OPCML: variants seen among roughly 807,000 people sequenced by gnomAD.
The protein encoded by OPCML is opioid-binding protein/cell adhesion molecule.
Under a neutral mutation model 37.8 loss-of-function variants are expected in OPCML, and 13 were observed. That is an observed-to-expected ratio of 0.34 (90% confidence interval 0.22 to 0.55). The LOEUF is 0.55. Among genes scored for constraint, OPCML ranks in the 20% least tolerant of loss-of-function variants. The probability of loss-of-function intolerance (pLI) is 0.91; values close to 1 mark genes in which losing one functional copy is unlikely to be tolerated. For missense variants in OPCML, 341 were observed against 435.6 expected, an observed-to-expected ratio of 0.78 and a Z score of 1.93; for synonymous variants, 176 against 168.8, an observed-to-expected ratio of 1.04 and a Z score of -0.33.
At chr11:133,427,855 C>T (rs1171777976) in intron 1 of OPCML, among the ~76,000 whole-genome samples, 1 of 152,118 alleles carries the variant, frequency 6.6e-6, no homozygotes. Flanking sequence ...AGCGTATACT[C>T]TCCATGAAAA....
intron 1 of OPCML, among the ~76,000 whole-genome samples, chr11:133,129,258 C>T (rs1949567252): frequency 1.3e-5 from 2 of 152,080 alleles, no homozygotes; most frequent in Admixed American, 6.5e-5. Flanking sequence ...CAGTTGAGTA[C>T]AGATCAGACC....
intron 3 of OPCML, among the ~76,000 whole-genome samples, chr11:132,572,885 G>A (rs557017536): frequency 6.6e-6 from 1 of 151,882 alleles, no homozygotes; most frequent in South Asian, 2.1e-4. Flanking sequence ...CACAAGAATG[G>A]GGTGTTTTTC....
chr11:132,727,374 G>A (rs1297053208), intron 2 of OPCML, among the ~76,000 whole-genome samples: 1 of 152,166 alleles, frequency 6.6e-6, no homozygotes, highest in African/African-American at 2.4e-5. Flanking sequence ...TAACTTGTGG[G>A]CTTCTCCATT....
At chr11:133,207,443 G>A (rs1939129234) in intron 1 of OPCML, among the ~76,000 whole-genome samples, 1 of 152,180 alleles carries the variant, frequency 6.6e-6, no homozygotes, top group South Asian at 2.1e-4. Flanking sequence ...AATGAATGGT[G>A]ATAATGATGA....
intron 1 of OPCML, among the ~76,000 whole-genome samples, chr11:132,964,749 C>T (rs1301160179): frequency 6.6e-6 from 1 of 152,130 alleles, no homozygotes; most frequent in Non-Finnish European, 1.5e-5. Context: ...GTGGATGACA[C>T]ATTTTGACAT....
At chr11:133,007,712 G>C in intron 1 of OPCML, 1 of 985,440 alleles carries the variant, frequency 1.0e-6, no homozygotes, top group Non-Finnish European at 1.2e-6. Flanking sequence ...AAAAAGTTCA[G>C]TGTCTGATGG....
At chr11:132,711,230 T>G (rs2135949008) in intron 2 of OPCML, among the ~76,000 whole-genome samples, 1 of 152,334 alleles carries the variant, frequency 6.6e-6, no homozygotes, top group East Asian at 1.9e-4. Flanking sequence ...AACCTTCATA[T>G]GGTTCTCCGC....
At chr11:133,294,815 C>CTGTTTTTT (rs1942583547) in intron 1 of OPCML, among the ~76,000 whole-genome samples, 2 of 56,554 alleles carry the variant, frequency 3.5e-5, no homozygotes, top group Admixed American at 3.7e-4. Flanking sequence ...TTCTTTCTTT[C>CTGTTTTTT]TTTTTTTTTT....
In OPCML at chr11:132,746,851, T is replaced by C. The variant is rs191721811; in HGVS notation, c.147-89532A>G. Among the ~76,000 whole-genome samples, 4 of 152,006 alleles carry C rather than the reference T, an allele frequency of 2.6e-5. No homozygotes were observed. The East Asian group carries it at 5.8e-4, about 22-fold the overall frequency. On this transcript the variant is annotated intron_variant, in intron 2 of 7. Transcript: ENST00000524381. ...AAGAGCTGTCCTTCAAGGGCAAGAG[T>C]GGCTCAAGCCCTGTGGTAAGAGCAA...
intron 3 of OPCML, among the ~76,000 whole-genome samples, chr11:132,636,266 A>T (rs535290371): frequency 3.0e-4 from 45 of 152,322 alleles, no homozygotes; most frequent in African/African-American, 1.1e-3. Context: ...ATGAATAGTT[A>T]TGTATTAGTA....
intron 2 of OPCML, among the ~76,000 whole-genome samples, chr11:132,880,549 C>T (rs985087099): frequency 1.2e-4 from 19 of 152,226 alleles, no homozygotes; most frequent in African/African-American, 2.6e-4. Context: ...CAGTGGCTTG[C>T]GGATTCTCAT....
rs145719877 is a variant in OPCML at position 132,616,151 on chromosome 11, T to A, written c.379+40936A>T. ...TACTTACCATCTAATTCTACCTTCATCTTTGGAGACATGGCTTTCAGTGTG... is the reference window on the plus strand; with the variant it reads ...TACTTACCATCTAATTCTACCTTCAACTTTGGAGACATGGCTTTCAGTGTG... On this transcript the variant is annotated intron_variant, in intron 3 of 7. Coordinates refer to ENST00000524381, the MANE Select transcript of OPCML (RefSeq NM_001012393.5). 4.7e-3 allele frequency among the ~76,000 whole-genome samples: 713 copies of A among 152,342 alleles called. 5 individuals are homozygous for A. The highest frequency in any genetic ancestry group is 8.7e-3 in the South Asian group (42 of 4,822).
chr11:133,218,332 G>A (rs1325289639), intron 1 of OPCML, among the ~76,000 whole-genome samples: 1 of 152,108 alleles, frequency 6.6e-6, no homozygotes, highest in Non-Finnish European at 1.5e-5. Flanking sequence ...TACAGTTTGT[G>A]CTGAAATACA....
chr11:133,285,060 CTA>C (rs1942260740), intron 1 of OPCML, among the ~76,000 whole-genome samples: 1 of 151,986 alleles, frequency 6.6e-6, no homozygotes, highest in African/African-American at 2.4e-5. Flanking sequence ...AGTGGGGTAA[CTA>C]ATTCTCCCTA....
intron 1 of OPCML, among the ~76,000 whole-genome samples, chr11:133,412,032 A>C (rs148370936): frequency 1.3e-5 from 2 of 152,300 alleles, no homozygotes; most frequent in East Asian, 1.9e-4. Flanking sequence ...TGGTAATCAG[A>C]GTTCCAAGAG....
chr11:133,518,390 AGT>A (rs1446725568), intron 1 of OPCML, among the ~76,000 whole-genome samples: 2 of 151,018 alleles, frequency 1.3e-5, no homozygotes, highest in Non-Finnish European at 3.0e-5. Context: ...TGTGTAAATA[AGT>A]GTGTGTGTGC....
intron 2 of OPCML, among the ~76,000 whole-genome samples, chr11:132,835,368 C>A (rs34583242): frequency 0.067 from 10,178 of 152,214 alleles, 389 homozygotes; most frequent in Non-Finnish European, 0.076. Context: ...TGCATTCTCC[C>A]TTTCAGGAAT....
intron 1 of OPCML, among the ~76,000 whole-genome samples, chr11:133,181,061 A>T (rs1386421485): frequency 6.6e-6 from 1 of 152,214 alleles, no homozygotes; most frequent in Non-Finnish European, 1.5e-5. Flanking sequence ...GCAAACTTAG[A>T]TACTGCAAAA....
At chr11:133,014,739 A>G (rs1484204274) in intron 1 of OPCML, among the ~76,000 whole-genome samples, 1 of 152,250 alleles carries the variant, frequency 6.6e-6, no homozygotes, top group Non-Finnish European at 1.5e-5. Flanking sequence ...AGAAAGAAGT[A>G]AACAGTTTTA....
Sources: allele counts gnomAD v4.1 joint callset (sites outside exome capture counted in the v4.1 genomes callset), GRCh38; gene constraint gnomAD v4.1.1; transcripts MANE v1.5; gene names NCBI Gene and HGNC (gene_info 2026-07-23, HGNC 2026-07-21).